The following TENM3 variants were observed in gnomAD, a reference collection of about 807,000 sequenced individuals.
TENM3 encodes teneurin-3.
Under a neutral mutation model 255.1 loss-of-function variants are expected in TENM3, and 63 were observed. That is an observed-to-expected ratio of 0.25 (90% CI 0.20 to 0.30). The LOEUF (loss-of-function observed/expected upper bound fraction) is 0.30, where lower values mean the gene tolerates loss of function less well. Ranked by LOEUF, TENM3 falls within the 10% of genes least tolerant of loss-of-function variation. The pLI, the probability that TENM3 is intolerant of heterozygous loss-of-function variation, is 1.00. For synonymous variants in TENM3, 1,306 were observed against 1,322.3 expected (o/e 0.99, Z 0.27); for missense variants, 2,929 against 3,461.1 (o/e 0.85, Z 3.86).
At chr4:182,492,420 A>G (rs1487848542) in intron 3 of TENM3, among the ~76,000 whole-genome samples, 1 of 152,204 alleles carries the variant, frequency 6.6e-6, no homozygotes, top group Non-Finnish European at 1.5e-5. Flanking sequence ...AAATTAAAAG[A>G]CAAAGTCAAT....
intron 5 of TENM3, among the ~76,000 whole-genome samples, chr4:182,641,447 A>G (rs1475047850): frequency 6.6e-6 from 1 of 152,232 alleles, no homozygotes; most frequent in African/African-American, 2.4e-5. Context: ...AAAAGCCAAA[A>G]CAAGTGAAGA....
chr4:182,076,392 C>T, the TENM3 span, among the ~76,000 whole-genome samples: 2 of 151,948 alleles, frequency 1.3e-5, no homozygotes, highest in Admixed American at 6.6e-5. Flanking sequence ...TTAGTAGAGA[C>T]GGGGTTTCAC....
the TENM3 span, among the ~76,000 whole-genome samples, chr4:182,048,320 G>A: frequency 3.3e-5 from 5 of 151,988 alleles, no homozygotes; most frequent in African/African-American, 1.2e-4. Context: ...AGTAAAATAT[G>A]GATTTCATAG....
chr4:182,060,264 T>A, the TENM3 span, among the ~76,000 whole-genome samples: 209 of 152,068 alleles, frequency 1.4e-3, 2 homozygotes, highest in African/African-American at 4.8e-3. Flanking sequence ...ATAAAAGTAG[T>A]CTATGGCAGC....
At chr4:181,757,503 T>A in the TENM3 span, among the ~76,000 whole-genome samples, 1 of 152,156 alleles carries the variant, frequency 6.6e-6, no homozygotes, top group African/African-American at 2.4e-5. Flanking sequence ...ACTCTCCAAA[T>A]GTAATAGAAA....
At position 182,743,022 on chromosome 4, in the gene TENM3, C is replaced by T. The variant is rs1022627421; in HGVS notation, c.3380-148C>T. ...ATATTTTACACTAGGTAGTTGAATACAATTCATTCCAATGGAGCTTCAAAT... is the reference window on the plus strand; with the variant it reads ...ATATTTTACACTAGGTAGTTGAATATAATTCATTCCAATGGAGCTTCAAAT... On this transcript the variant is annotated intron_variant, in intron 18 of 27. Transcript: ENST00000511685. 3.0e-5 allele frequency: 25 copies of T among 824,992 alleles called. No individual in the cohort carries two copies. In the African/African-American group the frequency reaches 3.8e-4, roughly 13 times the overall value. 51.1% of individuals were successfully genotyped at this position (824,992 alleles called of 1,614,324 possible).
At chr4:181,646,699 G>T in the TENM3 span, among the ~76,000 whole-genome samples, 1 of 152,114 alleles carries the variant, frequency 6.6e-6, no homozygotes, top group Non-Finnish European at 1.5e-5. Context: ...AGCGACAGTT[G>T]GGGTTAGGAC....
the TENM3 span, among the ~76,000 whole-genome samples, chr4:181,529,398 A>G: frequency 3.3e-5 from 5 of 152,338 alleles, no homozygotes; most frequent in East Asian, 3.9e-4. Flanking sequence ...GAGCTGCTCA[A>G]TTCATGTTTT....
At chr4:182,564,581 G>GTT (rs34401330) in intron 3 of TENM3, among the ~76,000 whole-genome samples, 2 of 137,362 alleles carry the variant, frequency 1.5e-5, no homozygotes, top group East Asian at 2.1e-4. Flanking sequence ...TTTTTGTTTT[G>GTT]TTTTTTTTTT....
In TENM3 at chr4:182,257,539, G is replaced by T. The variant is rs77442561; in HGVS notation, c.-76+14063G>T. On this transcript the variant is annotated intron_variant, in intron 1 of 27. Coordinates refer to ENST00000511685, the MANE Select transcript of TENM3 (RefSeq NM_001080477.4). ...GAACAGAGTATTTGAGGTGACAGAA[G>T]TGTGAGCATCTAGAGGACTTGGTAT... Among the ~76,000 whole-genome samples, 85 of 152,332 alleles carry T rather than the reference G, an allele frequency of 5.6e-4. No individual in the cohort carries two copies. In the East Asian group the frequency reaches 0.015, roughly 27 times the overall value.
chr4:182,232,834 G>A (rs893818225), intron 1 of TENM3, among the ~76,000 whole-genome samples: 1 of 152,172 alleles, frequency 6.6e-6, no homozygotes, highest in African/African-American at 2.4e-5. Context: ...TGGGTGGGTA[G>A]CTTATATGGC....
the TENM3 span, among the ~76,000 whole-genome samples, chr4:181,621,102 T>G: frequency 7.2e-5 from 11 of 152,168 alleles, no homozygotes; most frequent in African/African-American, 2.7e-4. Flanking sequence ...GGGAACCCAG[T>G]TGACAATAAT....
At chr4:181,510,769 G>A in the TENM3 span, among the ~76,000 whole-genome samples, 4 of 152,180 alleles carry the variant, frequency 2.6e-5, no homozygotes, top group Non-Finnish European at 5.9e-5. Context: ...CTGGTGAGGA[G>A]GGAGTGACTC....
chr4:182,610,910 A>ATTT (rs370512327), intron 4 of TENM3, among the ~76,000 whole-genome samples: 3 of 141,630 alleles, frequency 2.1e-5, no homozygotes, highest in Non-Finnish European at 4.6e-5. Context: ...TGCCCAGCTA[A>ATTT]TTTTTTTTTT....
intron 1 of TENM3, among the ~76,000 whole-genome samples, chr4:182,183,038 C>T (rs1191973399): frequency 2.6e-5 from 4 of 152,032 alleles, no homozygotes; most frequent in South Asian, 2.1e-4. Context: ...GTTTACAGGA[C>T]AAACTCTTTG....
At chr4:182,388,934 T>C (rs963450620) in intron 3 of TENM3, among the ~76,000 whole-genome samples, 7 of 152,188 alleles carry the variant, frequency 4.6e-5, no homozygotes, top group Admixed American at 3.3e-4. Flanking sequence ...AGAGGTGGCT[T>C]CTAGACCTTC....
At chr4:181,546,533 G>T in the TENM3 span, among the ~76,000 whole-genome samples, 1 of 148,696 alleles carries the variant, frequency 6.7e-6, no homozygotes, top group African/African-American at 2.5e-5. Flanking sequence ...GGCTAACACG[G>T]TGAAACCCCG....
chr4:182,762,726 G>T (rs1763307467), intron 22 of TENM3, among the ~76,000 whole-genome samples: 1 of 152,184 alleles, frequency 6.6e-6, no homozygotes. Flanking sequence ...TGCAAATGCA[G>T]AACCAGTGTG....
chr4:181,914,492 T>C, the TENM3 span, among the ~76,000 whole-genome samples: 1 of 152,174 alleles, frequency 6.6e-6, no homozygotes, highest in Admixed American at 6.5e-5. Flanking sequence ...GTGTCTCTCC[T>C]AATGTGGTAC....
Sources: allele counts gnomAD v4.1 joint callset (sites outside exome capture counted in the v4.1 genomes callset), GRCh38; gene constraint gnomAD v4.1.1; transcripts MANE v1.5; gene names NCBI Gene and HGNC (gene_info 2026-07-23, HGNC 2026-07-21).